Variants in CCN3 observed in about 807,000 individuals in gnomAD.
The protein encoded by CCN3 is CCN family member 3.
Under a neutral mutation model 33.4 loss-of-function variants are expected in CCN3, and 20 were observed. The observed-to-expected ratio is 0.60, with a 90% CI of 0.42 to 0.87. The LOEUF is 0.87. Among genes scored for constraint, CCN3 ranks in the 40% least tolerant of loss-of-function variants. The pLI is 0.00. For synonymous variants in CCN3, 205 were observed against 170.4 expected, an observed-to-expected ratio of 1.20 and a Z score of -1.58; for missense variants, 465 against 455.3, an observed-to-expected ratio of 1.02 and a Z score of -0.19.
chr8:119,420,537 GA>G (rs2130455980), intron 4 of CCN3, among the ~76,000 whole-genome samples: 2 of 152,158 alleles, frequency 1.3e-5, no homozygotes, highest in African/African-American at 4.8e-5. Context: ...AGAACACCTA[GA>G]AACACCTTAT....
At position 119,416,967 on chromosome 8, in the gene CCN3, C is replaced by T. The variant is rs751176923; in HGVS notation, c.308C>T (p.Thr103Met). 1.9e-6 allele frequency: 3 copies of T among 1,608,758 alleles called. No homozygotes were observed. The African/African-American group carries it at 4.0e-5, about 21-fold the overall frequency. The change falls in exon 2 of 5, where the codon ACG becomes ATG. Residue 103 changes from threonine (T) to methionine (M), a missense_variant and splice_region_variant. Thr to Met is a moderately conservative substitution (Grantham distance 81). Coordinates refer to ENST00000259526, the MANE Select transcript of CCN3 (RefSeq NM_002514.4). ...ADPSNQTGIC[T>M]AVEGDNCVFD... is the part of the protein sequence containing the mutation. Reference sequence around the variant, plus strand: ...CCCAGCAACCAGACTGGCATCTGCACGGGTAATCCTGCTCCCTCTGCTGTT... The same window carrying T: ...CCCAGCAACCAGACTGGCATCTGCATGGGTAATCCTGCTCCCTCTGCTGTT...
Position 119,416,611 on chromosome 8 carries a change from G to A in CCN3, c.79G>A (p.Gly27Arg), listed in dbSNP as rs541889252. 112 of 1,613,536 alleles carry A rather than the reference G, an allele frequency of 6.9e-5. 1 individual carries two copies. In the South Asian group the frequency reaches 1.2e-3, roughly 17 times the overall value. ...GACCTTCCTGCTTCTCCATCTCCTG[G>A]GACAGGTAAGTGGCACACCCTTAAG... Reference protein sequence around the residue: ...CLTFLLLHLLGQVAATQRCPP... With the variant: ...CLTFLLLHLLRQVAATQRCPP... The change falls in exon 1 of 5, where the codon GGA becomes AGA. Residue 27 changes from glycine (G) to arginine (R), a missense_variant. Coordinates refer to ENST00000259526, the MANE Select transcript of CCN3 (RefSeq NM_002514.4).
intron 2 of CCN3, 52 bp from the exon 3 acceptor site, chr8:119,418,003 GTTC>G: frequency 1.3e-6 from 2 of 1,548,804 alleles, no homozygotes; most frequent in East Asian, 4.5e-5. Flanking sequence ...ACTGTATTGT[GTTC>G]TTGTTTTTCC....
At chr8:119,418,625 G>T (rs763926179) in intron 3 of CCN3, among the ~76,000 whole-genome samples, 7 of 152,082 alleles carry the variant, frequency 4.6e-5, no homozygotes, top group Non-Finnish European at 1.0e-4. Flanking sequence ...ACCCTCATTA[G>T]CACTACAAAG....
chr8:119,417,477 G>A (rs1432233234), intron 2 of CCN3, among the ~76,000 whole-genome samples: 1 of 152,154 alleles, frequency 6.6e-6, no homozygotes, highest in African/African-American at 2.4e-5. Context: ...TAAAATGCAG[G>A]CAACTAGCCA....
In CCN3 at chr8:119,422,915, C is replaced by T; in HGVS notation, c.857C>T (p.Thr286Ile). Residue 286 changes from threonine (T) to isoleucine (I), a missense_variant, in exon 5 of 5, where the codon ACC (threonine) becomes ATC (isoleucine). Physicochemically the swap from Thr to Ile is moderately conservative, Grantham distance 89. Transcript: ENST00000259526. ...LQFKNCTSLH[T>I]YKPRFCGVCS... ...TTCAAGAACTGCACCAGCCTGCACA[C>T]CTACAAGCCCAGGTTCTGTGGGGTC... 6.2e-7 allele frequency: 1 copy of T among 1,614,168 alleles called. No individual in the cohort carries two copies. The highest frequency in any genetic ancestry group is 8.5e-7 in the Non-Finnish European group (1 of 1,180,026).
rs1461355571 is a variant in CCN3 at position 119,424,047 on chromosome 8, A to G, written c.*915A>G. ...TTGAGAAAAATAGAGCAAAATCAAC[A>G]TGACTGGTGGTGAGAGACCACACAT... On this transcript the variant is annotated 3_prime_UTR_variant, in exon 5 of 5. Transcript: ENST00000259526. 6.6e-6 allele frequency: 1 copy of G among 152,214 alleles called. No homozygotes were observed. The highest frequency in any genetic ancestry group is 1.5e-5 in the Non-Finnish European group (1 of 68,040). 9.4% of individuals were successfully genotyped at this position (152,214 alleles called of 1,614,324 possible).
rs1057722 is a variant in CCN3, at chr8:119,423,722, A to T, written c.*590A>T. 6,046 of 152,492 alleles carry T rather than the reference A, an allele frequency of 0.04. 207 individuals carry two copies. Among genetic ancestry groups the T allele is most frequent in the African/African-American group, 0.092 (3,829 of 41,548 alleles). 9.4% of individuals were successfully genotyped at this position (152,492 alleles called of 1,614,324 possible). On this transcript the variant is annotated 3_prime_UTR_variant, in exon 5 of 5. Transcript: ENST00000259526. Reference sequence around the variant, plus strand: ...AGTTTTACACTAGGAAACGTGTTGTATCTACAGTAATGAAATGTTTACTAA... The same window carrying T: ...AGTTTTACACTAGGAAACGTGTTGTTTCTACAGTAATGAAATGTTTACTAA...
chr8:119,423,057 T>TCA lies in CCN3; in HGVS notation c.1003_1004dup (p.Asn336ProfsTer16), dbSNP rs1254377373. The TCA allele has an allele frequency of 6.2e-7, 1 of 1,614,128 alleles. No homozygotes were observed. Among genetic ancestry groups the TCA allele is most frequent in the Non-Finnish European group, 8.5e-7 (1 of 1,180,024 alleles). On this transcript the variant is annotated frameshift_variant, in exon 5 of 5. Coordinates refer to ENST00000259526, the MANE Select transcript of CCN3 (RefSeq NM_002514.4). LOFTEE classifies it high-confidence loss of function. ...TGATGGTCATTGGGACCTGCACCTG[T>TCA]CACACCAACTGTCCTAAGAACAATG...
intron 4 of CCN3, among the ~76,000 whole-genome samples, chr8:119,421,068 G>A (rs1288038500): frequency 7.5e-6 from 1 of 133,792 alleles, no homozygotes; most frequent in African/African-American, 2.9e-5. Flanking sequence ...ACCCAAGCTG[G>A]AGTGCAGTGG....
At chr8:119,419,041 A>G in intron 3 of CCN3, 90 bp from the exon 4 acceptor site, 1 of 941,782 alleles carries the variant, frequency 1.1e-6, no homozygotes, top group Non-Finnish European at 1.7e-6. Context: ...GAGTCGAATG[A>G]GACCCAGTTT....
In CCN3 at chr8:119,416,514, G is replaced by T. The variant is rs1820048262; in HGVS notation, c.-19G>T. On this transcript the variant is annotated 5_prime_UTR_variant, in exon 1 of 5. Transcript: ENST00000259526. ...GAAGAAAGTCTCGTTTGGTAAAAGCGAGAGGGGAAAGCCTGAGCATGCAGA... is the reference window on the plus strand; with the variant it reads ...GAAGAAAGTCTCGTTTGGTAAAAGCTAGAGGGGAAAGCCTGAGCATGCAGA... The T allele has an allele frequency of 1.2e-6, 2 of 1,612,490 alleles. No individual in the cohort carries two copies. Among genetic ancestry groups the T allele is most frequent in the Non-Finnish European group, 1.7e-6 (2 of 1,179,232 alleles).
chr8:119,423,435 A>T lies in CCN3; in HGVS notation c.*303A>T. 3.6e-6 allele frequency: 1 copy of T among 280,606 alleles called. No homozygotes were observed. Among genetic ancestry groups the T allele is most frequent in the East Asian group, 6.7e-5 (1 of 14,920 alleles). 17.4% of individuals were successfully genotyped at this position (280,606 alleles called of 1,614,324 possible). A position where few individuals can be genotyped will look rare whatever the true frequency, so the allele number is the denominator to read the frequency against. Reference sequence around the variant, plus strand: ...AACAAGTATATAATTTACTTTGTAGACTGTTTCACATTGCACTCATCATAT... The same window carrying T: ...AACAAGTATATAATTTACTTTGTAGTCTGTTTCACATTGCACTCATCATAT... On this transcript the variant is annotated 3_prime_UTR_variant, in exon 5 of 5. Coordinates refer to ENST00000259526, the MANE Select transcript of CCN3 (RefSeq NM_002514.4).
Position 119,416,854 on chromosome 8 carries a change from G to C in CCN3, c.195G>C (p.Leu65=). Residue 65 remains leucine, a synonymous_variant, in exon 2 of 5, where the codon CTG becomes CTC. Coordinates refer to ENST00000259526, the MANE Select transcript of CCN3 (RefSeq NM_002514.4). ...TGCTGGACGGCTGCTCATGCTGTCT[G>C]GTGTGTGCCCGCCAGCGTGGCGAGA... ...RAVLDGCSCC[L]VCARQRGESC... is the part of the protein sequence containing the mutation. 1.2e-6 allele frequency: 2 copies of C among 1,613,268 alleles called. No homozygotes were observed. The highest frequency in any genetic ancestry group is 1.7e-6 in the Non-Finnish European group (2 of 1,179,890).
Position 119,419,322 on chromosome 8 carries a change from G to A in CCN3, c.754G>A (p.Glu252Lys), listed in dbSNP as rs757800854. 6.2e-7 allele frequency: 1 copy of A among 1,613,902 alleles called. No homozygotes were observed. Among genetic ancestry groups the A allele is most frequent in the Non-Finnish European group, 8.5e-7 (1 of 1,180,032 alleles). ...RLCMVRPCEQ[E>K]PEQPTDKKGK... ...CTGCATGGTGCGGCCCTGTGAACAA[G>A]AGCCAGAGCAGCCAACAGATAAGGT... is the stretch of plus-strand genomic sequence containing the variant. The change falls in exon 4 of 5, where the codon GAG (glutamate) becomes AAG (lysine). Residue 252 changes from glutamate (E) to lysine (K), a missense_variant. Transcript: ENST00000259526.
In CCN3 at chr8:119,423,070, C is replaced by T; in HGVS notation, c.1012C>T (p.Pro338Ser). 1 of 1,614,150 alleles carries T rather than the reference C, an allele frequency of 6.2e-7. No homozygotes were observed. The highest frequency in any genetic ancestry group is 8.5e-7 in the Non-Finnish European group (1 of 1,180,030). The change falls in exon 5 of 5, where the codon CCT becomes TCT. Residue 338 changes from proline to serine, a missense_variant. Coordinates refer to ENST00000259526, the MANE Select transcript of CCN3 (RefSeq NM_002514.4). ...GACCTGCACCTGTCACACCAACTGTCCTAAGAACAATGAGGCCTTCCTCCA... is the reference window on the plus strand; with the variant it reads ...GACCTGCACCTGTCACACCAACTGTTCTAAGAACAATGAGGCCTTCCTCCA... ...IGTCTCHTNC[P>S]KNNEAFLQEL...
rs1236719465 is a variant in CCN3, at chr8:119,423,163, A to G, written c.*31A>G. The G allele has an allele frequency of 6.4e-7, 1 of 1,560,030 alleles. No individual in the cohort carries two copies. Among genetic ancestry groups the G allele is most frequent in the Admixed American group, 1.8e-5 (1 of 55,034 alleles). On this transcript the variant is annotated 3_prime_UTR_variant, in exon 5 of 5. Transcript: ENST00000259526. ...CACTCAAGAAGCACACCTACAGAGC[A>G]CCTGTAGCTGCTGCGCCACCCACCA...
chr8:119,419,073 C>T, intron 3 of CCN3, 58 bp from the exon 4 acceptor site: 1 of 1,400,368 alleles, frequency 7.1e-7, no homozygotes, highest in Non-Finnish European at 1.0e-6. Context: ...TGAAAAGGAC[C>T]ACTTTCCAAT....
chr8:119,417,041 T>G (rs896578233), intron 2 of CCN3, 72 bp downstream of exon 2: 2 of 1,280,938 alleles, frequency 1.6e-6, no homozygotes, highest in Non-Finnish European at 2.2e-6. Flanking sequence ...CCTTCTCTTT[T>G]GTATTCCCCT....
Sources: allele counts gnomAD v4.1 joint callset (sites outside exome capture counted in the v4.1 genomes callset), GRCh38; gene constraint gnomAD v4.1.1; transcripts MANE v1.5; gene names NCBI Gene and HGNC (gene_info 2026-07-23, HGNC 2026-07-21).